TMEM120B: variants seen among roughly 807,000 people sequenced by gnomAD.
TMEM120B encodes the protein transmembrane protein 120B.
In TMEM120B, 31 loss-of-function variants were observed where a neutral mutation model predicts 55.5. The ratio of observed to expected loss-of-function variants is 0.56; its 90% confidence interval spans 0.42 to 0.75. The LOEUF (loss-of-function observed/expected upper bound fraction) is 0.75, where lower values mean the gene tolerates loss of function less well. Among genes scored for constraint, TMEM120B ranks in the 30% least tolerant of loss-of-function variants. The pLI is 0.00. For synonymous variants in TMEM120B, 203 were observed against 176.3 expected (o/e 1.15, Z -1.20); for missense variants, 399 against 425.5 (o/e 0.94, Z 0.55).
chr12:121,741,918 GACTC>G (rs1194270075), intron 1 of TMEM120B, among the ~76,000 whole-genome samples: 3 of 151,964 alleles, frequency 2.0e-5, no homozygotes, highest in Non-Finnish European at 4.4e-5. Flanking sequence ...GGGCCAAGGT[GACTC>G]ACTCACAGCA....
At chr12:121,716,599 G>A (rs1272894806) in intron 1 of TMEM120B, among the ~76,000 whole-genome samples, 1 of 109,486 alleles carries the variant, frequency 9.1e-6, no homozygotes, top group Non-Finnish European at 1.7e-5. Context: ...GTCTTGCTCT[G>A]TCGCCCAAAC....
chr12:121,748,497 C>A, intron 3 of TMEM120B, 55 bp downstream of exon 3: 1 of 1,217,210 alleles, frequency 8.2e-7, no homozygotes, highest in Non-Finnish European at 1.2e-6. Flanking sequence ...AGGCCTAGCA[C>A]AGCTGGTCCA....
intron 8 of TMEM120B, among the ~76,000 whole-genome samples, chr12:121,772,026 C>CCTTTCTTTCTTTCT (rs368761287): frequency 1.3e-5 from 2 of 150,590 alleles, no homozygotes; most frequent in Admixed American, 1.3e-4. Flanking sequence ...CCTTTCTTTC[C>CCTTTCTTTCTTTCT]CTTTCTTTCT....
rs952481619 is a variant in TMEM120B at position 121,776,168 on chromosome 12, C to T, written c.*446C>T. 14 of 348,166 alleles carry T rather than the reference C, an allele frequency of 4.0e-5. No individual in the cohort carries two copies. The highest frequency in any genetic ancestry group is 1.9e-4 in the Admixed American group (4 of 21,042). The allele number at this position is 348,166 out of a possible 1,614,324, so 21.6% of individuals were successfully genotyped here. A position where few individuals can be genotyped will look rare whatever the true frequency, so the allele number is the denominator to read the frequency against. On this transcript the variant is annotated 3_prime_UTR_variant, in exon 12 of 12. Transcript: ENST00000449592. ...CCCTCAGTGTCCTGTGGCGCCCCCA[C>T]CCCGGGGCCACTCTGCTTCTGCTGT... is the stretch of plus-strand genomic sequence containing the variant.
chr12:121,715,884 G>A (rs868389231), intron 1 of TMEM120B, among the ~76,000 whole-genome samples: 1 of 151,550 alleles, frequency 6.6e-6, no homozygotes, highest in Non-Finnish European at 1.5e-5. Flanking sequence ...GCCTTCTCAC[G>A]TTCCCCTTCA....
intron 1 of TMEM120B, among the ~76,000 whole-genome samples, chr12:121,737,947 A>G (rs553903446): frequency 3.3e-5 from 5 of 149,726 alleles, no homozygotes; most frequent in African/African-American, 1.2e-4. Context: ...GAGGTGGAGC[A>G]TACAGTGACC....
chr12:121,718,094 T>C (rs939764802), intron 1 of TMEM120B, among the ~76,000 whole-genome samples: 2 of 152,188 alleles, frequency 1.3e-5, no homozygotes, highest in Non-Finnish European at 2.9e-5. Flanking sequence ...AGTTTCTTTA[T>C]CTAAAAACAA....
At chr12:121,730,431 G>A (rs1197222679) in intron 1 of TMEM120B, among the ~76,000 whole-genome samples, 1 of 150,804 alleles carries the variant, frequency 6.6e-6, no homozygotes, top group Non-Finnish European at 1.5e-5. Flanking sequence ...CAGATCATGA[G>A]GTCAGGAGAT....
At chr12:121,728,850 C>T (rs1894946618) in intron 1 of TMEM120B, among the ~76,000 whole-genome samples, 1 of 152,236 alleles carries the variant, frequency 6.6e-6, no homozygotes, top group African/African-American at 2.4e-5. Flanking sequence ...ACTGGCAAGA[C>T]AGCCCTATGA....
At chr12:121,747,052 C>G (rs976183932) in intron 2 of TMEM120B, among the ~76,000 whole-genome samples, 3 of 152,166 alleles carry the variant, frequency 2.0e-5, no homozygotes, top group African/African-American at 7.2e-5. Flanking sequence ...ATTCTAGATG[C>G]TCTATGCTGT....
intron 1 of TMEM120B, among the ~76,000 whole-genome samples, chr12:121,740,537 T>A (rs56411197): frequency 0.013 from 2,039 of 151,798 alleles, 48 homozygotes; most frequent in African/African-American, 0.047. Context: ...AAGAAAATCA[T>A]AAGGAAGAGA....
intron 5 of TMEM120B, among the ~76,000 whole-genome samples, chr12:121,752,691 T>C (rs1873367478): frequency 6.6e-6 from 1 of 152,070 alleles, no homozygotes; most frequent in African/African-American, 2.4e-5. Flanking sequence ...AGGCAGAGGT[T>C]GCAGTGAGTT....
At chr12:121,714,078 G>A (rs1028840252) in intron 1 of TMEM120B, among the ~76,000 whole-genome samples, 1 of 152,086 alleles carries the variant, frequency 6.6e-6, no homozygotes, top group African/African-American at 2.4e-5. Context: ...TGGAGAGCCG[G>A]GGCAGGAATG....
intron 5 of TMEM120B, 125 bp from the exon 6 acceptor site, chr12:121,761,524 C>T (rs1873676335): frequency 1.5e-6 from 1 of 663,608 alleles, no homozygotes; most frequent in South Asian, 1.8e-5. Context: ...GTCATAAGGG[C>T]TTCCAGAGGC....
intron 1 of TMEM120B, among the ~76,000 whole-genome samples, chr12:121,728,411 C>T (rs1418310782): frequency 6.6e-6 from 1 of 151,326 alleles, no homozygotes; most frequent in Non-Finnish European, 1.5e-5. Flanking sequence ...ATGGCGTGAA[C>T]TTGGGAGATG....
intron 1 of TMEM120B, among the ~76,000 whole-genome samples, chr12:121,722,359 A>G (rs1192201603): frequency 1.3e-5 from 2 of 152,172 alleles, no homozygotes; most frequent in African/African-American, 4.8e-5. Context: ...AGCCTCCCAC[A>G]GTGCTGGGAT....
chr12:121,774,808 A>G (rs1874182031), intron 10 of TMEM120B, 86 bp downstream of exon 10: 4 of 1,469,544 alleles, frequency 2.7e-6, no homozygotes, highest in Non-Finnish European at 3.7e-6. Flanking sequence ...CTCCTTCTCC[A>G]TCCGTCCCCA....
intron 1 of TMEM120B, among the ~76,000 whole-genome samples, chr12:121,736,265 C>G (rs1185710434): frequency 6.6e-6 from 1 of 151,584 alleles, no homozygotes; most frequent in African/African-American, 2.4e-5. Flanking sequence ...ACCTCTGCCT[C>G]CCAGGTTCAC....
intron 5 of TMEM120B, among the ~76,000 whole-genome samples, chr12:121,752,439 C>T (rs1479653140): frequency 6.6e-6 from 1 of 152,134 alleles, no homozygotes; most frequent in Non-Finnish European, 1.5e-5. Context: ...GCTGGAAAGG[C>T]CTTGTACTGT....
Sources: gnomAD v4.1 joint callset for allele counts (sites outside exome capture counted in the v4.1 genomes callset) on GRCh38, gnomAD v4.1.1 for gene constraint, MANE v1.5 for transcripts, NCBI Gene and HGNC (gene_info 2026-07-23, HGNC 2026-07-21) for gene names.